CEP128: variants seen among roughly 807,000 people sequenced by gnomAD.
The protein encoded by CEP128 is centrosomal protein 128kDa.
Under a neutral mutation model 156.7 loss-of-function variants are expected in CEP128, and 132 were observed. The observed-to-expected ratio is 0.84, with a 90% CI of 0.73 to 0.97. CEP128 has a LOEUF of 0.97. Ranked by LOEUF, CEP128 falls within the 50% of genes least tolerant of loss-of-function variation. CEP128 has a pLI of 0.00. For missense variants in CEP128, 1,252 were observed against 1,281.9 expected (o/e 0.98, Z 0.36); for synonymous variants, 469 against 448.9 (o/e 1.04, Z -0.57).
chr14:80,874,115 G>C (rs541554378), intron 8 of CEP128, among the ~76,000 whole-genome samples: 21 of 152,224 alleles, frequency 1.4e-4, no homozygotes, highest in African/African-American at 4.8e-4. Context: ...TATATAGCAA[G>C]TGAAAGAAGC....
Position 80,815,908 on chromosome 14 carries a change from T to C in CEP128, c.1209+15235A>G, listed in dbSNP as rs532257796. 2.0e-5 allele frequency among the ~76,000 whole-genome samples: 3 copies of C among 152,196 alleles called. No individual in the cohort carries two copies. The East Asian group carries it at 5.8e-4, about 29-fold the overall frequency. ...CACATGGACATAGAGTGTGGAATAA[T>C]AGATACTGGAGACCCACGTGGAATA... On this transcript the variant is annotated intron_variant, in intron 13 of 24. Transcript: ENST00000555265.
chr14:80,596,376 G>A (rs899416948), intron 19 of CEP128, among the ~76,000 whole-genome samples: 1 of 151,888 alleles, frequency 6.6e-6, no homozygotes, highest in African/African-American at 2.4e-5. Context: ...AGAAAAACTT[G>A]ACAGAAAACC....
At chr14:80,872,539 C>T (rs369914330) in intron 8 of CEP128, among the ~76,000 whole-genome samples, 50 of 152,130 alleles carry the variant, frequency 3.3e-4, no homozygotes, top group African/African-American at 7.7e-4. Context: ...ACACAATAAA[C>T]GTGATTAAGA....
chr14:80,530,295 T>C (rs1156522508), intron 22 of CEP128, among the ~76,000 whole-genome samples: 3 of 152,190 alleles, frequency 2.0e-5, no homozygotes, highest in Non-Finnish European at 2.9e-5. Context: ...AATTAACACA[T>C]GTAACTAATT....
chr14:80,757,952 T>C (rs559722108), intron 17 of CEP128, among the ~76,000 whole-genome samples: 1 of 152,206 alleles, frequency 6.6e-6, no homozygotes. Context: ...TCAAGGAAAT[T>C]TTCCCTAATC....
chr14:80,503,465 T>G (rs1050898521), intron 24 of CEP128, among the ~76,000 whole-genome samples: 17 of 152,182 alleles, frequency 1.1e-4, no homozygotes, highest in African/African-American at 4.1e-4. Flanking sequence ...ATTTAATGTC[T>G]TCTAACCACT....
chr14:80,531,517 T>C (rs1889224825), intron 21 of CEP128, among the ~76,000 whole-genome samples: 1 of 152,188 alleles, frequency 6.6e-6, no homozygotes, highest in Non-Finnish European at 1.5e-5. Context: ...GAGAATGATA[T>C]GAAAATTATT....
intron 19 of CEP128, among the ~76,000 whole-genome samples, chr14:80,711,979 T>C (rs1041478906): frequency 1.6e-4 from 25 of 152,166 alleles, no homozygotes; most frequent in Non-Finnish European, 2.9e-4. Flanking sequence ...CAAACATAAG[T>C]ATACGAACTT....
chr14:80,694,279 G>C (rs1441392412), intron 19 of CEP128, among the ~76,000 whole-genome samples: 6 of 152,200 alleles, frequency 3.9e-5, no homozygotes, highest in Non-Finnish European at 5.9e-5. Context: ...AGAGGATGTG[G>C]AGAAATTTTT....
In CEP128 at chr14:80,532,373, G is replaced by A. The variant is rs528784053; in HGVS notation, c.2881-1487C>T. Among the ~76,000 whole-genome samples, 57 of 151,846 alleles carry A rather than the reference G, an allele frequency of 3.8e-4. 1 individual carries two copies. Among genetic ancestry groups the A allele is most frequent in the Non-Finnish European group, 7.1e-4 (48 of 67,972 alleles). Reference sequence around the variant, plus strand: ...ACACCCAGCTATATAATTTTTTCTCGGGAGGAGTTCATTATTTTCTCAGTT... The same window carrying A: ...ACACCCAGCTATATAATTTTTTCTCAGGAGGAGTTCATTATTTTCTCAGTT... On this transcript the variant is annotated intron_variant, in intron 21 of 24. Transcript: ENST00000555265.
At chr14:80,726,865 G>A (rs947376920) in intron 19 of CEP128, among the ~76,000 whole-genome samples, 1 of 152,202 alleles carries the variant, frequency 6.6e-6, no homozygotes, top group Non-Finnish European at 1.5e-5. Context: ...AACTTTGGAA[G>A]TGAGTTGCTG....
In CEP128 at chr14:80,792,862, A is replaced by G; in HGVS notation, c.1458T>C (p.Ala486=). The change falls in exon 14 of 25, where the codon GCT becomes GCC. Residue 486 remains alanine, a synonymous_variant. Transcript: ENST00000555265. The part of the protein sequence containing the change: ...EKRREDLKLK[A]QESIRQWKLK... Reference sequence around the variant, plus strand: ...GCTTCCACTGCCTAATGGATTCTTGAGCTTTCAGTTTCAGGTCTTCCCTCC... The same window carrying G: ...GCTTCCACTGCCTAATGGATTCTTGGGCTTTCAGTTTCAGGTCTTCCCTCC... The G allele has an allele frequency of 6.8e-6, 11 of 1,614,120 alleles. No individual in the cohort carries two copies. The highest frequency in any genetic ancestry group is 9.3e-6 in the Non-Finnish European group (11 of 1,180,012).
intron 20 of CEP128, among the ~76,000 whole-genome samples, chr14:80,569,139 C>T (rs1445642052): frequency 6.6e-6 from 1 of 152,118 alleles, no homozygotes; most frequent in Non-Finnish European, 1.5e-5. Flanking sequence ...GCTATAAAAA[C>T]AGCACTAATT....
At chr14:80,826,927 T>A (rs528993210) in intron 13 of CEP128, among the ~76,000 whole-genome samples, 86 of 152,354 alleles carry the variant, frequency 5.6e-4, no homozygotes, top group Non-Finnish European at 1.0e-3. Flanking sequence ...TTAATGAGGT[T>A]CAACTTGAGT....
chr14:80,548,890 G>A (rs988633188), intron 21 of CEP128, among the ~76,000 whole-genome samples: 6 of 152,118 alleles, frequency 3.9e-5, no homozygotes, highest in African/African-American at 1.4e-4. Context: ...ATTTGACAGG[G>A]CTGTAGAAAA....
At chr14:80,612,404 C>T (rs186325241) in intron 19 of CEP128, among the ~76,000 whole-genome samples, 59 of 152,188 alleles carry the variant, frequency 3.9e-4, no homozygotes, top group East Asian at 1.5e-3. Context: ...ATACAATGAC[C>T]GTGTTAATCT....
In CEP128 at chr14:80,580,862, C is replaced by T. The variant is rs558255404; in HGVS notation, c.2807-439G>A. ...ACAAGCTCCCAAGCCAAGTTCCACC[C>T]CTACAGTCAATTTTTATAACCAAAT... On this transcript the variant is annotated intron_variant, in intron 19 of 24. Coordinates refer to ENST00000555265, the MANE Select transcript of CEP128 (RefSeq NM_152446.5). Among the ~76,000 whole-genome samples the T allele has an allele frequency of 9.6e-4, 146 of 152,222 alleles. 1 individual carries two copies. The highest frequency in any genetic ancestry group is 3.3e-3 in the African/African-American group (139 of 41,530).
chr14:80,495,760 A>G (rs2140164356), downstream of CEP128, among the ~76,000 whole-genome samples: 1 of 152,270 alleles, frequency 6.6e-6, no homozygotes, highest in South Asian at 2.1e-4. Context: ...CTAATACATA[A>G]AAGAAAAAGT....
At chr14:80,606,539 G>A (rs1157623887) in intron 19 of CEP128, among the ~76,000 whole-genome samples, 1 of 152,096 alleles carries the variant, frequency 6.6e-6, no homozygotes, top group Admixed American at 6.6e-5. Flanking sequence ...GCTGGGAACA[G>A]TACATATAAT....
Sources: gnomAD v4.1 joint callset for allele counts (sites outside exome capture counted in the v4.1 genomes callset) on GRCh38, gnomAD v4.1.1 for gene constraint, MANE v1.5 for transcripts, NCBI Gene and HGNC (gene_info 2026-07-23, HGNC 2026-07-21) for gene names.